Variants in PDE4D observed in about 807,000 individuals in gnomAD.
PDE4D encodes the protein phosphodiesterase 4D, also known as 3',5'-cyclic-AMP phosphodiesterase 4D.
PDE4D carries 24 observed loss-of-function variants against 87.4 expected under a neutral mutation model. That is an observed-to-expected ratio of 0.27 (90% CI 0.20 to 0.39). The LOEUF (loss-of-function observed/expected upper bound fraction) is 0.39. Ranked by LOEUF, PDE4D falls within the 10% of genes least tolerant of loss-of-function variation. The pLI is 1.00. For synonymous variants in PDE4D, 384 were observed against 383.2 expected (o/e 1.00, Z -0.02); for missense variants, 714 against 1,041.0 (o/e 0.69, Z 4.32).
Position 60,302,226 on chromosome 5 carries a change from T to C in PDE4D, c.-89-116539A>G, listed in dbSNP as rs373481086. On this transcript the variant is annotated intron_variant, in intron 1 of 16. Transcript: ENST00000502484. ...GAGGAGTCCCTCCTTTTTTTTGGAATAGTTTCAGCAGAAATAGTACCAGCT... is the reference window on the plus strand; with the variant it reads ...GAGGAGTCCCTCCTTTTTTTTGGAACAGTTTCAGCAGAAATAGTACCAGCT... Among the ~76,000 whole-genome samples the C allele has an allele frequency of 1.1e-4, 17 of 152,310 alleles. No individual in the cohort carries two copies. In the East Asian group the frequency reaches 2.9e-3, roughly 26 times the overall value.
intron 1 of PDE4D, among the ~76,000 whole-genome samples, chr5:59,229,386 TTAA>T (rs1754628577): frequency 6.6e-6 from 1 of 152,182 alleles, no homozygotes; most frequent in Non-Finnish European, 1.5e-5. Flanking sequence ...AAGAAATAGG[TTAA>T]TGAGATTGAT....
intron 1 of PDE4D, among the ~76,000 whole-genome samples, chr5:60,258,464 A>T (rs1286523169): frequency 6.6e-6 from 1 of 152,016 alleles, no homozygotes; most frequent in African/African-American, 2.4e-5. Flanking sequence ...AAGTAAAAAA[A>T]ATGTTCTTTG....
intron 5 of PDE4D, among the ~76,000 whole-genome samples, chr5:59,083,638 G>T (rs1034040975): frequency 7.9e-5 from 12 of 151,680 alleles, no homozygotes; most frequent in African/African-American, 2.9e-4. Flanking sequence ...CATACTTAAT[G>T]GTTATATTCT....
rs1162329347 is a variant in PDE4D at position 59,381,093 on chromosome 5, A to AT, written c.456-165126dup. The stretch of plus-strand genomic sequence containing the variant: ...TGATAATTAGATTGGATGCCATGAC[A>AT]TTTTACAATGCCCTTTAATTCCACT... On this transcript the variant is annotated intron_variant, in intron 1 of 14. Coordinates refer to ENST00000340635, the MANE Select transcript of PDE4D (RefSeq NM_001104631.2). Among the ~76,000 whole-genome samples the AT allele has an allele frequency of 5.3e-5, 8 of 152,248 alleles. No individual in the cohort carries two copies. The East Asian group carries it at 1.5e-3, about 29-fold the overall frequency.
chr5:60,472,553 ACCTCATT>A (rs1459881089), intron 1 of PDE4D, among the ~76,000 whole-genome samples: 1 of 152,020 alleles, frequency 6.6e-6, no homozygotes, highest in Non-Finnish European at 1.5e-5. Context: ...GTAAACTACA[ACCTCATT>A]ACCAGCTTTA....
chr5:60,252,311 T>C (rs1748564168), intron 1 of PDE4D, among the ~76,000 whole-genome samples: 1 of 151,894 alleles, frequency 6.6e-6, no homozygotes, highest in Admixed American at 6.6e-5. Flanking sequence ...AATATATATT[T>C]ATCATTTATG....
At chr5:59,774,710 C>T (rs199557790) in intron 1 of PDE4D, among the ~76,000 whole-genome samples, 1 of 140,618 alleles carries the variant, frequency 7.1e-6, no homozygotes, top group Non-Finnish European at 1.5e-5. Context: ...TTTTCTGAGA[C>T]ACAGTCCGGC....
At chr5:60,039,949 T>G (rs1445361101) in intron 2 of PDE4D, among the ~76,000 whole-genome samples, 2 of 152,256 alleles carry the variant, frequency 1.3e-5, no homozygotes, top group East Asian at 3.8e-4. Flanking sequence ...TGGAAATAAA[T>G]TCTGATAATA....
intron 5 of PDE4D, among the ~76,000 whole-genome samples, chr5:59,176,415 G>A (rs1340046948): frequency 1.3e-5 from 2 of 152,070 alleles, no homozygotes; most frequent in African/African-American, 4.8e-5. Flanking sequence ...TTAGCCGGGC[G>A]TGGTGGTGGG....
intron 1 of PDE4D, among the ~76,000 whole-genome samples, chr5:59,885,138 A>G (rs1749965720): frequency 6.6e-6 from 1 of 152,008 alleles, no homozygotes; most frequent in Non-Finnish European, 1.5e-5. Flanking sequence ...TAAATTTTCA[A>G]TATATGCATG....
intron 1 of PDE4D, among the ~76,000 whole-genome samples, chr5:59,330,593 G>C (rs1776544206): frequency 6.6e-6 from 1 of 151,950 alleles, no homozygotes; most frequent in Non-Finnish European, 1.5e-5. Context: ...TGACTTACTG[G>C]TTTGCCTCTA....
chr5:59,426,736 A>G (rs1795282746), intron 1 of PDE4D, among the ~76,000 whole-genome samples: 2 of 152,144 alleles, frequency 1.3e-5, no homozygotes, highest in South Asian at 4.1e-4. Flanking sequence ...TTGGGGTGCC[A>G]GTGGCTACTG....
intron 1 of PDE4D, among the ~76,000 whole-genome samples, chr5:59,838,961 A>G (rs1742562375): frequency 6.6e-6 from 1 of 151,940 alleles, no homozygotes; most frequent in African/African-American, 2.4e-5. Context: ...GCTAGCTGTG[A>G]ATGTCATCAT....
At chr5:59,692,967 TG>T (rs1450929233) in intron 1 of PDE4D, among the ~76,000 whole-genome samples, 1 of 152,114 alleles carries the variant, frequency 6.6e-6, no homozygotes, top group Non-Finnish European at 1.5e-5. Flanking sequence ...AATAAGAAGT[TG>T]TTTGCTAAGG....
At chr5:59,656,347 G>A (rs1028538501) in intron 1 of PDE4D, among the ~76,000 whole-genome samples, 2 of 152,120 alleles carry the variant, frequency 1.3e-5, no homozygotes, top group Non-Finnish European at 2.9e-5. Flanking sequence ...CAACGTATTG[G>A]ACCAAGTTTT....
intron 1 of PDE4D, among the ~76,000 whole-genome samples, chr5:59,317,216 GA>G (rs371933977): frequency 2.6e-5 from 4 of 152,272 alleles, no homozygotes; most frequent in African/African-American, 9.6e-5. Context: ...CAGTTGGCAA[GA>G]AGGGAAAACC....
chr5:59,234,714 T>C (rs1483300570), intron 1 of PDE4D, among the ~76,000 whole-genome samples: 1 of 152,188 alleles, frequency 6.6e-6, no homozygotes, highest in Admixed American at 6.5e-5. Context: ...TTCTACTCTT[T>C]TTTCATACAT....
In PDE4D at chr5:59,872,299, AC is replaced by A. The variant is rs775888627; in HGVS notation, c.455+20868del. Among the ~76,000 whole-genome samples the A allele has an allele frequency of 9.9e-3, 1,128 of 114,416 alleles. 20 individuals carry two copies. Among genetic ancestry groups the A allele is most frequent in the African/African-American group, 0.052 (924 of 17,760 alleles). 75.1% of individuals were successfully genotyped at this position (114,416 alleles called of 152,430 possible). The stretch of plus-strand genomic sequence containing the variant: ...CACACACACACACACACACACACAC[AC>A]AAGAGCACACAGGCACACACACAGC... On this transcript the variant is annotated intron_variant, in intron 1 of 14. Coordinates refer to ENST00000340635, the MANE Select transcript of PDE4D (RefSeq NM_001104631.2).
At chr5:60,038,132 G>C (rs1768024267) in intron 2 of PDE4D, among the ~76,000 whole-genome samples, 1 of 152,102 alleles carries the variant, frequency 6.6e-6, no homozygotes, top group African/African-American at 2.4e-5. Context: ...AGTTTAATTA[G>C]ATCCTATTTG....
Sources: gnomAD v4.1 joint callset for allele counts (sites outside exome capture counted in the v4.1 genomes callset) on GRCh38, gnomAD v4.1.1 for gene constraint, MANE v1.5 for transcripts, NCBI Gene and HGNC (gene_info 2026-07-23, HGNC 2026-07-21) for gene names.